TLN2: variants seen among roughly 807,000 people sequenced by gnomAD.
TLN2 encodes the protein talin 2.
In TLN2, 118 loss-of-function variants were observed where a neutral mutation model predicts 294.7. The observed-to-expected ratio is 0.40, with a 90% CI of 0.34 to 0.47. The LOEUF (loss-of-function observed/expected upper bound fraction) is 0.47. Among genes scored for constraint, TLN2 ranks in the 20% least tolerant of loss-of-function variants. The pLI is 0.84. For synonymous variants in TLN2, 1,431 were observed against 1,304.5 expected, an observed-to-expected ratio of 1.10 and a Z score of -2.09; for missense variants, 3,083 against 3,282.2, an observed-to-expected ratio of 0.94 and a Z score of 1.48.
intron 3 of TLN2, chr15:62,638,377 C>G: frequency 2.8e-6 from 1 of 362,538 alleles, no homozygotes; most frequent in African/African-American, 2.1e-5. Context: ...ATTTTTATAG[C>G]AAAGTTTAAC....
chr15:62,623,374 AG>A (rs2048999053), intron 3 of TLN2, among the ~76,000 whole-genome samples: 1 of 152,214 alleles, frequency 6.6e-6, no homozygotes, highest in African/African-American at 2.4e-5. Flanking sequence ...CATAAGTCAA[AG>A]AGAAAGGTAG....
At chr15:62,763,365 A>G in intron 39 of TLN2, 198 bp from the exon 40 acceptor site, 1 of 529,942 alleles carries the variant, frequency 1.9e-6, no homozygotes, top group Non-Finnish European at 3.2e-6. Context: ...AAATAAGTAG[A>G]GTTATCTGAA....
rs999415759 is a variant in TLN2 at position 62,738,432 on chromosome 15, CCCTT to C, written c.3687+104_3687+107del. ...CTCCATGAGATCTCTGAGCAGCTAA[CCCTT>C]CCTTTAGGAGTCCTGTTTTTCCCGC... On this transcript the variant is annotated intron_variant, in intron 30 of 58. Transcript: ENST00000636159. 6 of 1,397,730 alleles carry C rather than the reference CCCTT, an allele frequency of 4.3e-6. No individual in the cohort carries two copies. In the African/African-American group the frequency reaches 8.6e-5, roughly 20 times the overall value. 86.6% of individuals were successfully genotyped at this position (1,397,730 alleles called of 1,614,324 possible).
chr15:62,602,209 G>A (rs1316330521), intron 2 of TLN2, among the ~76,000 whole-genome samples: 1 of 152,126 alleles, frequency 6.6e-6, no homozygotes, highest in Non-Finnish European at 1.5e-5. Flanking sequence ...CAGATGGGCA[G>A]GATTTTTACT....
chr15:62,757,099 A>G (rs1057309296), intron 37 of TLN2, among the ~76,000 whole-genome samples: 1 of 152,230 alleles, frequency 6.6e-6, no homozygotes, highest in Non-Finnish European at 1.5e-5. Flanking sequence ...TATGTTACTC[A>G]TTCACTCCAT....
At position 62,766,394 on chromosome 15, in the gene TLN2, G is replaced by A. The variant is rs200045232; in HGVS notation, c.5168G>A (p.Arg1723Gln). 7.1e-5 allele frequency: 114 copies of A among 1,611,804 alleles called. No individual in the cohort carries two copies. Among genetic ancestry groups the A allele is most frequent in the Admixed American group, 3.2e-4 (19 of 60,000 alleles). The change falls in exon 41 of 59, where the codon CGG (arginine) becomes CAG (glutamine). Residue 1723 changes from arginine to glutamine, a missense_variant. Transcript: ENST00000636159. ...HLIDPIATAA[R>Q]GEAAQLGHKV... Reference sequence around the variant, plus strand: ...ATCGATCCCATCGCCACAGCGGCTCGGGGAGAAGCAGCTCAGCTGGGACAT... The same window carrying A: ...ATCGATCCCATCGCCACAGCGGCTCAGGGAGAAGCAGCTCAGCTGGGACAT...
chr15:62,738,665 A>G (rs1168658389), intron 30 of TLN2, among the ~76,000 whole-genome samples: 3 of 152,122 alleles, frequency 2.0e-5, no homozygotes, highest in African/African-American at 4.8e-5. Flanking sequence ...CGTGTGTCCA[A>G]GCCTCAGTGA....
At chr15:62,755,767 A>C in intron 37 of TLN2, 74 bp downstream of exon 37, 1 of 1,561,582 alleles carries the variant, frequency 6.4e-7, no homozygotes, top group Non-Finnish European at 8.7e-7. Context: ...ACAAGATTTA[A>C]GCTCCACTCC....
At chr15:62,713,897 C>CATACAT (rs1555485305) in intron 22 of TLN2, among the ~76,000 whole-genome samples, 1 of 119,068 alleles carries the variant, frequency 8.4e-6, no homozygotes, top group Non-Finnish European at 1.9e-5. Context: ...TTCTTTAAGC[C>CATACAT]ATATATATAT....
chr15:62,400,751 G>A (rs112040027), intron 1 of TLN2, among the ~76,000 whole-genome samples: 9 of 151,328 alleles, frequency 5.9e-5, no homozygotes, highest in South Asian at 4.2e-4. Context: ...GAAATTAAGC[G>A]CAGTAGCCAT....
At position 62,819,615 on chromosome 15, in the gene TLN2, A is replaced by G; in HGVS notation, c.6871A>G (p.Met2291Val). 2 of 1,610,106 alleles carry G rather than the reference A, an allele frequency of 1.2e-6. No homozygotes were observed. Among genetic ancestry groups the G allele is most frequent in the Non-Finnish European group, 1.7e-6 (2 of 1,179,958 alleles). ...VTELIQAAEA[M>V]KGTEWVDPED... The stretch of plus-strand genomic sequence containing the variant: ...AGAGCTCATCCAGGCGGCGGAAGCC[A>G]TGAAAGGTAGGCTGGATTCTCACGT... Residue 2291 changes from methionine (M) to valine (V), a missense_variant, in exon 53 of 59, where the codon ATG (methionine) becomes GTG (valine). Physicochemically the swap from Met to Val is conservative, Grantham distance 21. Coordinates refer to ENST00000636159, the MANE Select transcript of TLN2 (RefSeq NM_015059.3).
intron 11 of TLN2, among the ~76,000 whole-genome samples, chr15:62,685,136 T>C (rs1349707095): frequency 1.3e-5 from 2 of 152,132 alleles, no homozygotes; most frequent in Non-Finnish European, 2.9e-5. Flanking sequence ...GTTCAGTGCC[T>C]TTTTCATGTA....
Position 62,841,799 on chromosome 15 carries a change from A to C in TLN2, c.*1189A>C, listed in dbSNP as rs533438980. 74 of 152,242 alleles carry C rather than the reference A, an allele frequency of 4.9e-4. No homozygotes were observed. Among genetic ancestry groups the C allele is most frequent in the African/African-American group, 1.5e-3 (62 of 41,538 alleles). 9.4% of individuals were successfully genotyped at this position (152,242 alleles called of 1,614,324 possible). On this transcript the variant is annotated 3_prime_UTR_variant, in exon 59 of 59. Transcript: ENST00000636159. ...AAGGGAAGGGCTTGAATTTACCCTT[A>C]ATCTGCACCTTTAGCCAAGGCAGTG...
intron 1 of TLN2, among the ~76,000 whole-genome samples, chr15:62,391,751 C>A (rs1283525039): frequency 6.6e-6 from 1 of 152,250 alleles, no homozygotes; most frequent in Non-Finnish European, 1.5e-5. Flanking sequence ...GGCTTGGGAA[C>A]GAGAGCCGCC....
intron 21 of TLN2, among the ~76,000 whole-genome samples, chr15:62,709,940 G>A (rs1384089616): frequency 6.6e-6 from 1 of 151,942 alleles, no homozygotes; most frequent in Non-Finnish European, 1.5e-5. Flanking sequence ...TCACCATGTT[G>A]GCCAGGCTGG....
chr15:62,518,905 T>C (rs2040320719), intron 1 of TLN2, among the ~76,000 whole-genome samples: 1 of 152,208 alleles, frequency 6.6e-6, no homozygotes. Flanking sequence ...GCTTGCAATG[T>C]CTTTTTTAGT....
intron 21 of TLN2, among the ~76,000 whole-genome samples, chr15:62,710,125 C>G (rs963435407): frequency 2.0e-5 from 3 of 152,160 alleles, no homozygotes; most frequent in Non-Finnish European, 4.4e-5. Flanking sequence ...AACCAATAAT[C>G]TTTTAATGGA....
At chr15:62,585,195 CGCCAAGT>C (rs2045490187) in intron 1 of TLN2, among the ~76,000 whole-genome samples, 1 of 152,214 alleles carries the variant, frequency 6.6e-6, no homozygotes, top group South Asian at 2.1e-4. Context: ...GTGGGGATTA[CGCCAAGT>C]AAAACGAGGA....
intron 9 of TLN2, among the ~76,000 whole-genome samples, chr15:62,665,910 C>A (rs1416395945): frequency 6.6e-6 from 1 of 152,220 alleles, no homozygotes; most frequent in Non-Finnish European, 1.5e-5. Context: ...TAAAAAGCCA[C>A]TTGCGTACTT....
Sources: gnomAD v4.1 joint callset for allele counts (sites outside exome capture counted in the v4.1 genomes callset) on GRCh38, gnomAD v4.1.1 for gene constraint, MANE v1.5 for transcripts, NCBI Gene and HGNC (gene_info 2026-07-23, HGNC 2026-07-21) for gene names.